Variants in LARP1 observed in about 807,000 individuals in gnomAD.
LARP1 encodes the protein la-related protein 1.
In LARP1, 36 loss-of-function variants were observed where a neutral mutation model predicts 122.7. The ratio of observed to expected loss-of-function variants is 0.29; its 90% CI spans 0.22 to 0.39. The LOEUF (loss-of-function observed/expected upper bound fraction) is 0.39. LARP1 is among the 10% of genes least tolerant of loss of function. The probability of loss-of-function intolerance (pLI) is 1.00; values close to 1 mark genes in which losing one functional copy is unlikely to be tolerated. For synonymous variants in LARP1, 539 were observed against 528.7 expected, an observed-to-expected ratio of 1.02 and a Z score of -0.27; for missense variants, 1,040 against 1,403.6, an observed-to-expected ratio of 0.74 and a Z score of 4.14.
intron 1 of LARP1, among the ~76,000 whole-genome samples, chr5:154,683,464 A>C (rs1561523144): frequency 6.6e-6 from 1 of 152,224 alleles, no homozygotes. Flanking sequence ...CGTATTTCCC[A>C]TGATAACTCT....
upstream of LARP1, among the ~76,000 whole-genome samples, chr5:154,711,108 G>T (rs535175476): frequency 2.0e-5 from 3 of 151,484 alleles, no homozygotes; most frequent in East Asian, 3.9e-4. Flanking sequence ...TACATATTCC[G>T]TCAGTGTCAG....
At chr5:154,768,915 C>G (rs1755175280) in intron 1 of LARP1, among the ~76,000 whole-genome samples, 1 of 152,166 alleles carries the variant, frequency 6.6e-6, no homozygotes, top group African/African-American at 2.4e-5. Context: ...GATCTCAGCT[C>G]ACTGCAACCT....
At chr5:154,754,645 C>G (rs1455297627), upstream of LARP1, among the ~76,000 whole-genome samples, 2 of 152,272 alleles carry the variant, frequency 1.3e-5, no homozygotes, top group African/African-American at 4.8e-5. Flanking sequence ...TTCCTAGGCG[C>G]CGGCTGCCCG....
intron 8 of LARP1, among the ~76,000 whole-genome samples, chr5:154,798,235 A>C (rs1370290362): frequency 6.6e-6 from 1 of 152,208 alleles, no homozygotes; most frequent in Admixed American, 6.5e-5. Context: ...GTCTGACTTA[A>C]ATTCTGTCAC....
intron 1 of LARP1, among the ~76,000 whole-genome samples, chr5:154,759,918 AGTTTGTTT>A (rs201541263): frequency 1.5e-3 from 221 of 149,534 alleles, no homozygotes; most frequent in South Asian, 5.5e-3. Context: ...GGCTGGGCTA[AGTTTGTTT>A]GTTTGTTTGT....
chr5:154,755,930 C>G lies in LARP1; in HGVS notation c.173C>G (p.Pro58Arg), dbSNP rs763215039. 3 of 1,000,370 alleles carry G rather than the reference C, an allele frequency of 3.0e-6. No individual in the cohort carries two copies. The Admixed American group carries it at 1.8e-4, about 61-fold the overall frequency. 62.0% of individuals were successfully genotyped at this position (1,000,370 alleles called of 1,614,324 possible). A position where few individuals can be genotyped will look rare whatever the true frequency, so the allele number is the denominator to read the frequency against. Residue 58 changes from proline (P) to arginine (R), a missense_variant, in exon 1 of 19, where the codon CCG becomes CGG. Physicochemically the swap from Pro to Arg is moderately radical, Grantham distance 103. This residue lies in a region of LARP1 where 257 missense variants were observed against 273.3 expected (regional missense o/e 0.94). Coordinates refer to ENST00000518297, the MANE Select transcript of LARP1 (RefSeq NM_033551.3). ...EPDGSARRPRPPCAKPHKEGT... is the reference protein window; with the variant it reads ...EPDGSARRPRRPCAKPHKEGT... ...GACGGCAGCGCTCGGAGACCCCGGC[C>G]GCCCTGCGCCAAGCCGCACAAGGAG...
intron 1 of LARP1, among the ~76,000 whole-genome samples, chr5:154,735,342 C>CG (rs1435975964): frequency 2.0e-4 from 30 of 151,926 alleles, no homozygotes; most frequent in African/African-American, 6.8e-4. Flanking sequence ...ATCCCAGCTA[C>CG]TCGGGAGACT....
intron 15 of LARP1, among the ~76,000 whole-genome samples, chr5:154,807,850 A>C (rs532374185): frequency 1.3e-5 from 2 of 152,342 alleles, no homozygotes; most frequent in South Asian, 2.1e-4. Flanking sequence ...AACCTTGCCC[A>C]GCCAAGATGC....
chr5:154,726,957 G>A (rs1032736829), intron 1 of LARP1, among the ~76,000 whole-genome samples: 7 of 152,196 alleles, frequency 4.6e-5, no homozygotes, highest in East Asian at 1.9e-4. Context: ...GGGGGAAACC[G>A]CTTCCATGAT....
Position 154,805,932 on chromosome 5 carries a change from T to G in LARP1, c.2598T>G (p.Pro866=), listed in dbSNP as rs1235311633. ...TPTVGSYGCT[P]QSLPKFQHPS... is the part of the protein sequence containing the mutation. ...CAGTTGGCAGCTATGGCTGTACCCC[T>G]CAGTCATTGCCCAAGTTCCAGCATC... Residue 866 remains proline (P), a synonymous_variant, in exon 15 of 19, where the codon CCT becomes CCG. Coordinates refer to ENST00000518297, the MANE Select transcript of LARP1 (RefSeq NM_033551.3). 3 of 1,614,136 alleles carry G rather than the reference T, an allele frequency of 1.9e-6. No homozygotes were observed. The highest frequency in any genetic ancestry group is 3.3e-5 in the Admixed American group (2 of 60,016).
chr5:154,696,096 C>T (rs571726766), intron 1 of LARP1, among the ~76,000 whole-genome samples: 1 of 152,012 alleles, frequency 6.6e-6, no homozygotes, highest in Non-Finnish European at 1.5e-5. Flanking sequence ...GTGGCTCACT[C>T]CTATAATCCT....
At position 154,741,806 on chromosome 5, in the gene LARP1, TG is replaced by T. The variant is rs1240006883; in HGVS notation, c.205+28677del. 6.0e-4 allele frequency among the ~76,000 whole-genome samples: 92 copies of T among 152,296 alleles called. 1 individual carries two copies. Among genetic ancestry groups the T allele is most frequent in the African/African-American group, 2.2e-3 (90 of 41,566 alleles). ...AGGCAGTTATGGAGGGTTGTTTGTT[TG>T]TTTGTTTTTAAGAGAGTGGCAGACA... On this transcript the variant is annotated intron_variant, in intron 1 of 18. Coordinates refer to the LARP1 transcript ENST00000336314.
chr5:154,803,593 A>T lies in LARP1; in HGVS notation c.2287A>T (p.Ile763Phe). The T allele has an allele frequency of 6.2e-7, 1 of 1,614,114 alleles. No homozygotes were observed. Among genetic ancestry groups the T allele is most frequent in the Non-Finnish European group, 8.5e-7 (1 of 1,180,018 alleles). ...KLFGAPEPST[I>F]ARSLPTTVPE... ...GTTTGGTGCTCCTGAGCCCTCCACC[A>T]TCGCCCGCTCTCTACCAACCACTGT... is the stretch of plus-strand genomic sequence containing the variant. The change falls in exon 13 of 19, where the codon ATC becomes TTC. Residue 763 changes from isoleucine (I) to phenylalanine (F), a missense_variant. Ile to Phe is a conservative substitution (Grantham distance 21). Around this residue, in one of 8 missense-constraint regions of LARP1, gnomAD observed 362 missense variants for 533.1 expected, o/e 0.68. Transcript: ENST00000518297. This position sits in a 1 kb window ranked among gnomAD's most constrained non-coding sequence, Gnocchi z 4.4.
At chr5:154,774,012 C>G (rs1278172526) in intron 1 of LARP1, among the ~76,000 whole-genome samples, 1 of 151,788 alleles carries the variant, frequency 6.6e-6, no homozygotes, top group Non-Finnish European at 1.5e-5. Context: ...GTGACAAGAA[C>G]GTCATGCAGG....
intron 1 of LARP1, among the ~76,000 whole-genome samples, chr5:154,723,140 T>C (rs1755987805): frequency 6.6e-6 from 1 of 152,254 alleles, no homozygotes; most frequent in African/African-American, 2.4e-5. Flanking sequence ...CTCTGGCCTC[T>C]GGACTCTCAC....
At position 154,756,135 on chromosome 5, in the gene LARP1, G is replaced by A; in HGVS notation, c.378G>A (p.Pro126=). The change falls in exon 1 of 19, where the codon CCG becomes CCA. Residue 126 remains proline (P), a synonymous_variant. Coordinates refer to ENST00000518297, the MANE Select transcript of LARP1 (RefSeq NM_033551.3). The stretch of plus-strand genomic sequence containing the variant: ...AAGCCCCCCCGCCCAAGGTGAACCC[G>A]TGGACTAAGAACGCATTGCCGCCGG... ...FVEAPPPKVN[P]WTKNALPPVL... is the part of the protein sequence containing the mutation. 7.6e-7 allele frequency: 1 copy of A among 1,309,662 alleles called. No individual in the cohort carries two copies. The allele number at this position is 1,309,662 out of a possible 1,614,324, so 81.1% of individuals were successfully genotyped here.
intron 1 of LARP1, chr5:154,729,685 C>A: frequency 6.0e-6 from 2 of 334,220 alleles, no homozygotes; most frequent in South Asian, 5.7e-5. Flanking sequence ...CCTATGAATT[C>A]GTGGCATAAT....
chr5:154,716,924 A>G (rs1755541368), intron 1 of LARP1, among the ~76,000 whole-genome samples: 1 of 152,066 alleles, frequency 6.6e-6, no homozygotes, highest in Admixed American at 6.6e-5. Context: ...GCCGGGCGTC[A>G]TTGAGTGCAT....
chr5:154,804,848 C>G (rs1248218025), intron 14 of LARP1: 2 of 456,270 alleles, frequency 4.4e-6, no homozygotes, highest in Non-Finnish European at 8.8e-6. Flanking sequence ...CCAATGCTCT[C>G]TACTCCCTGC....
Sources: gnomAD v4.1 joint callset for allele counts (sites outside exome capture counted in the v4.1 genomes callset) on GRCh38, gnomAD v4.1.1 for gene constraint, gnomAD v4.1.1 regional missense constraint, Gnocchi (gnomAD v3.1) non-coding constraint, MANE v1.5 for transcripts, NCBI Gene and HGNC (gene_info 2026-07-23, HGNC 2026-07-21) for gene names.